BRI3: variants seen among roughly 807,000 people sequenced by gnomAD.
The protein encoded by BRI3 is membrane protein BRI3.
In BRI3, 6 loss-of-function variants were observed where a neutral mutation model predicts 12.8. The observed-to-expected ratio is 0.47, with a 90% confidence interval of 0.26 to 0.93. The LOEUF (loss-of-function observed/expected upper bound fraction) is 0.93. Ranked by LOEUF, BRI3 falls within the 40% of genes least tolerant of loss-of-function variation. The pLI is 0.15. For synonymous variants in BRI3, 91 were observed against 76.1 expected, an observed-to-expected ratio of 1.20 and a Z score of -1.02; for missense variants, 134 against 171.1, an observed-to-expected ratio of 0.78 and a Z score of 1.21.
upstream of BRI3, among the ~76,000 whole-genome samples, chr7:98,305,047 G>GTT (rs59633894): frequency 0.18 from 17,397 of 99,404 alleles, 2,172 homozygotes; most frequent in East Asian, 0.36. Flanking sequence ...TTTGTTTTTT[G>GTT]TTTTTTTTTT....
chr7:98,283,934 C>T (rs1438568675), intron 2 of BRI3, among the ~76,000 whole-genome samples: 10 of 152,188 alleles, frequency 6.6e-5, no homozygotes, highest in Admixed American at 5.2e-4. Flanking sequence ...CAGTTGCTGT[C>T]GGTATGGGGG....
chr7:98,284,341 C>T (rs778865528), intron 2 of BRI3, among the ~76,000 whole-genome samples: 7 of 152,208 alleles, frequency 4.6e-5, no homozygotes, highest in Non-Finnish European at 8.8e-5. Flanking sequence ...GTGGCTCTGG[C>T]TCCCCGAGGC....
chr7:98,292,953 T>C, downstream of BRI3: 5 of 1,233,260 alleles, frequency 4.1e-6, no homozygotes, highest in Middle Eastern at 3.2e-4. Context: ...TCTGGCGTGG[T>C]TGGAGGGAGG....
intron 2 of BRI3, among the ~76,000 whole-genome samples, chr7:98,284,869 C>CTGCCT (rs1262531902): frequency 6.6e-6 from 1 of 152,186 alleles, no homozygotes. Flanking sequence ...CTGCCCTGCC[C>CTGCCT]TGCCTTGCCC....
intron 1 of BRI3, among the ~76,000 whole-genome samples, chr7:98,298,302 G>A (rs1422797468): frequency 6.6e-6 from 1 of 151,794 alleles, no homozygotes; most frequent in African/African-American, 2.4e-5. Flanking sequence ...ATAAAACCAT[G>A]TATAAAAATG....
intron 2 of BRI3, among the ~76,000 whole-genome samples, chr7:98,290,855 T>A (rs2116745794): frequency 6.6e-6 from 1 of 152,378 alleles, no homozygotes; most frequent in African/African-American, 2.4e-5. Context: ...CTTCCCGTTT[T>A]CTTTGAATGT....
intron 2 of BRI3, among the ~76,000 whole-genome samples, chr7:98,289,868 G>T (rs760639430): frequency 9.2e-5 from 14 of 152,224 alleles, no homozygotes; most frequent in Non-Finnish European, 1.9e-4. Flanking sequence ...GTTCGATGAT[G>T]ATTTCAGGTC....
chr7:98,299,403 C>T (rs528406152), intron 1 of BRI3, among the ~76,000 whole-genome samples: 2 of 152,190 alleles, frequency 1.3e-5, no homozygotes, highest in Admixed American at 6.5e-5. Context: ...AATGATCCTC[C>T]CGCCTCGGCC....
downstream of BRI3, among the ~76,000 whole-genome samples, chr7:98,315,176 C>T (rs1374751118): frequency 2.0e-5 from 3 of 152,280 alleles, no homozygotes; most frequent in East Asian, 3.9e-4. Flanking sequence ...GGTTGGAGTG[C>T]AGTGGCACAA....
chr7:98,312,116 A>C, downstream of BRI3: 1 of 1,605,248 alleles, frequency 6.2e-7, no homozygotes, highest in South Asian at 1.1e-5. Context: ...TCTCTCGATC[A>C]TGGGTGAAGC....
chr7:98,312,045 A>G, downstream of BRI3: 1 of 1,531,190 alleles, frequency 6.5e-7, no homozygotes, highest in Admixed American at 2.1e-5. Flanking sequence ...TTTGGCCCAG[A>G]TCAAGTTAGG....
intron 2 of BRI3, among the ~76,000 whole-genome samples, chr7:98,284,812 G>A (rs930757594): frequency 6.6e-6 from 1 of 152,168 alleles, no homozygotes; most frequent in Admixed American, 6.5e-5. Flanking sequence ...CCTGGCGGCG[G>A]ATATGTCCCT....
At chr7:98,320,112 T>C in the BRI3 span, 2 of 1,612,268 alleles carry the variant, frequency 1.2e-6, no homozygotes. Context: ...GGATAATCTC[T>C]TTGTGGAATT....
chr7:98,322,478 T>A, the BRI3 span, among the ~76,000 whole-genome samples: 2 of 152,166 alleles, frequency 1.3e-5, no homozygotes, highest in African/African-American at 4.8e-5. Flanking sequence ...GTGTAATACC[T>A]GACAATCCCT....
At chr7:98,288,259 T>C (rs980336899) in intron 2 of BRI3, among the ~76,000 whole-genome samples, 1 of 152,196 alleles carries the variant, frequency 6.6e-6, no homozygotes, top group Non-Finnish European at 1.5e-5. Context: ...CATGGCCATC[T>C]GTGGGGACAC....
chr7:98,316,535 T>C, the BRI3 span, among the ~76,000 whole-genome samples: 1 of 152,170 alleles, frequency 6.6e-6, no homozygotes, highest in African/African-American at 2.4e-5. Context: ...TAAAAACTGA[T>C]AGATTATATA....
chr7:98,317,039 G>A, the BRI3 span, among the ~76,000 whole-genome samples: 1 of 152,036 alleles, frequency 6.6e-6, no homozygotes, highest in African/African-American at 2.4e-5. Flanking sequence ...TTTTTGTAGA[G>A]GCAAGGTTTC....
Position 98,282,358 on chromosome 7 carries a change from C to T in BRI3, c.150C>T (p.Pro50=), listed in dbSNP as rs367704076. Residue 50 remains proline, a synonymous_variant, in exon 2 of 3, where the codon CCC becomes CCT. Transcript: ENST00000297290. ...PPYPYLVTGI[P]THHPRVYNIH... ...CTGCTTTCCCGCCCACAGGGATACCCACCCACCATCCCAGGGTCTACAACA... is the reference window on the plus strand; with the variant it reads ...CTGCTTTCCCGCCCACAGGGATACCTACCCACCATCCCAGGGTCTACAACA... The T allele has an allele frequency of 1.4e-4, 229 of 1,613,630 alleles. No homozygotes were observed. The highest frequency in any genetic ancestry group is 1.9e-4 in the Non-Finnish European group (221 of 1,179,684).
downstream of BRI3, chr7:98,291,895 T>TC (rs1201056384): frequency 2.0e-5 from 3 of 152,904 alleles, no homozygotes; most frequent in African/African-American, 7.2e-5. Flanking sequence ...CCCCAGCAGT[T>TC]CCCCTTAGCG....
Sources: gnomAD v4.1 joint callset for allele counts (sites outside exome capture counted in the v4.1 genomes callset) on GRCh38, gnomAD v4.1.1 for gene constraint, MANE v1.5 for transcripts, NCBI Gene and HGNC (gene_info 2026-07-23, HGNC 2026-07-21) for gene names.